PARD3B: variants seen among roughly 807,000 people sequenced by gnomAD.
PARD3B encodes the protein par-3 family cell polarity regulator beta, also known as partitioning defective 3 homolog B.
PARD3B carries 103 observed loss-of-function variants against 130.2 expected under a neutral mutation model. That is an observed-to-expected ratio of 0.79 (90% CI 0.67 to 0.93). The LOEUF is 0.93. Ranked by LOEUF, PARD3B falls within the 40% of genes least tolerant of loss-of-function variation. The probability of loss-of-function intolerance (pLI) is 0.00; values close to 1 mark genes in which losing one functional copy is unlikely to be tolerated. For synonymous variants in PARD3B, 583 were observed against 553.2 expected (o/e 1.05, Z -0.76); for missense variants, 1,609 against 1,499.2 (o/e 1.07, Z -1.21).
chr2:204,723,241 G>A (rs115290480), intron 2 of PARD3B, among the ~76,000 whole-genome samples: 2,730 of 152,164 alleles, frequency 0.018, 39 homozygotes, highest in Middle Eastern at 0.071. Flanking sequence ...TAATGATTCA[G>A]TTGATTTTTT....
intron 2 of PARD3B, among the ~76,000 whole-genome samples, chr2:204,692,071 T>G (rs2037380059): frequency 6.6e-6 from 1 of 152,132 alleles, no homozygotes; most frequent in African/African-American, 2.4e-5. Context: ...TCTTTATTCT[T>G]AAGCCAAATT....
At chr2:205,083,345 A>AT (rs398081005) in intron 4 of PARD3B, among the ~76,000 whole-genome samples, 3 of 151,932 alleles carry the variant, frequency 2.0e-5, no homozygotes, top group African/African-American at 7.3e-5. Flanking sequence ...AAAAAAAAAA[A>AT]AGAGGAAATA....
Position 205,301,652 on chromosome 2 carries a change from G to A in PARD3B, c.2581G>A (p.Glu861Lys). ...GGAGAAAAAGCGCAAAGAGGAGAATGAAGATCCAGAAAGGAAAATAAAGAA... is the reference window on the plus strand; with the variant it reads ...GGAGAAAAAGCGCAAAGAGGAGAATAAAGATCCAGAAAGGAAAATAAAGAA... ...VKEKKRKEEN[E>K]DPERKIKKKG... The change falls in exon 18 of 23, where the codon GAA (glutamate) becomes AAA (lysine). Residue 861 changes from glutamate (E) to lysine (K), a missense_variant. Transcript: ENST00000406610. This position sits in a 1 kb window ranked among gnomAD's most constrained non-coding sequence, Gnocchi z 5.2. 1 of 1,574,118 alleles carries A rather than the reference G, an allele frequency of 6.4e-7. No homozygotes were observed. The highest frequency in any genetic ancestry group is 1.4e-5 in the African/African-American group (1 of 74,020).
intron 6 of PARD3B, among the ~76,000 whole-genome samples, chr2:205,114,299 C>A (rs373439807): frequency 2.6e-5 from 4 of 152,018 alleles, no homozygotes; most frequent in Non-Finnish European, 5.9e-5. Flanking sequence ...CCTGTTAAAA[C>A]AATTGTACTG....
chr2:205,068,595 CT>C (rs1700534610), intron 4 of PARD3B, among the ~76,000 whole-genome samples: 1 of 147,608 alleles, frequency 6.8e-6, no homozygotes, highest in African/African-American at 2.5e-5. Flanking sequence ...TTTTTTTTAC[CT>C]TTTCCTAGCT....
intron 1 of PARD3B, among the ~76,000 whole-genome samples, chr2:204,556,237 C>G (rs1031407969): frequency 3.9e-5 from 6 of 152,086 alleles, no homozygotes; most frequent in Non-Finnish European, 7.4e-5. Context: ...TTGTGTAGGT[C>G]AGGAATTTGG....
chr2:205,013,950 C>T (rs1184138595), intron 3 of PARD3B, among the ~76,000 whole-genome samples: 2 of 152,144 alleles, frequency 1.3e-5, no homozygotes, highest in Admixed American at 6.5e-5. Context: ...ACAGAGAAGG[C>T]ATTTCATCTG....
chr2:205,027,381 A>G (rs1319778258), intron 3 of PARD3B, among the ~76,000 whole-genome samples: 3 of 152,142 alleles, frequency 2.0e-5, no homozygotes. Context: ...ATGTCTATTC[A>G]TGTCCTTTGC....
At chr2:204,690,195 C>G (rs757200371) in intron 2 of PARD3B, among the ~76,000 whole-genome samples, 3 of 152,136 alleles carry the variant, frequency 2.0e-5, no homozygotes, top group Non-Finnish European at 2.9e-5. Context: ...ACGCTTTAGA[C>G]TGCACTTGAA....
chr2:205,072,741 T>C (rs1700818691), intron 4 of PARD3B, among the ~76,000 whole-genome samples: 1 of 152,192 alleles, frequency 6.6e-6, no homozygotes, highest in South Asian at 2.1e-4. Context: ...TCATTTACTG[T>C]TTAAAAAATA....
rs978876343 is a variant in PARD3B, at chr2:205,366,534, C to T, written c.2631-34479C>T. Among the ~76,000 whole-genome samples, 2 of 152,192 alleles carry T rather than the reference C, an allele frequency of 1.3e-5. No homozygotes were observed. Among genetic ancestry groups the T allele is most frequent in the Non-Finnish European group, 2.9e-5 (2 of 68,042 alleles). Reference sequence around the variant, plus strand: ...GGGACCCAGAGGAATAGAAATGTCACATCGTGACTGAGGGACAGAGCTAAT... The same window carrying T: ...GGGACCCAGAGGAATAGAAATGTCATATCGTGACTGAGGGACAGAGCTAAT... On this transcript the variant is annotated intron_variant, in intron 18 of 22. Coordinates refer to ENST00000406610, the MANE Select transcript of PARD3B (RefSeq NM_001302769.2). The surrounding 1 kb of genome is among the most constrained non-coding windows in gnomAD (Gnocchi z 5.0).
chr2:205,233,094 A>G (rs2038917644), intron 15 of PARD3B, among the ~76,000 whole-genome samples: 1 of 152,196 alleles, frequency 6.6e-6, no homozygotes, highest in African/African-American at 2.4e-5. Context: ...ATTATAAACA[A>G]TTTGCTGAAA....
At chr2:204,741,994 T>A (rs1199621729) in intron 2 of PARD3B, among the ~76,000 whole-genome samples, 1 of 152,178 alleles carries the variant, frequency 6.6e-6, no homozygotes, top group African/African-American at 2.4e-5. Flanking sequence ...TTACTATGAA[T>A]GCATGTTCTT....
chr2:205,403,243 T>A (rs2046313293), intron 19 of PARD3B, among the ~76,000 whole-genome samples: 1 of 152,208 alleles, frequency 6.6e-6, no homozygotes, highest in African/African-American at 2.4e-5. Context: ...TAGATTTACA[T>A]TAGCATATCT....
intron 22 of PARD3B, among the ~76,000 whole-genome samples, chr2:205,594,089 G>A (rs1426166113): frequency 1.3e-5 from 2 of 152,172 alleles, no homozygotes; most frequent in Non-Finnish European, 2.9e-5. Flanking sequence ...TCTTGGCCTG[G>A]AGCCTGTGTG....
chr2:205,381,303 A>T (rs1326460439), intron 18 of PARD3B, among the ~76,000 whole-genome samples: 2 of 147,458 alleles, frequency 1.4e-5, no homozygotes, highest in Non-Finnish European at 3.0e-5. Context: ...TATATAGTAC[A>T]CACAAAATTC....
Position 205,507,196 on chromosome 2 carries a change from A to ATTTTTTTTTTTTTTT in PARD3B, c.3180+7187_3180+7201dup, listed in dbSNP as rs71410819. ...ACCTTCATGGCCAGACAGGTGCAGT[A>ATTTTTTTTTTTTTTT]TTTTTTTTTTTTTTTTTTTTTTTTT... is the stretch of plus-strand genomic sequence containing the variant. On this transcript the variant is annotated intron_variant, in intron 21 of 22. Coordinates refer to ENST00000406610, the MANE Select transcript of PARD3B (RefSeq NM_001302769.2). Among the ~76,000 whole-genome samples, 51 of 25,196 alleles carry ATTTTTTTTTTTTTTT rather than the reference A, an allele frequency of 2.0e-3. 22 individuals are homozygous for ATTTTTTTTTTTTTTT. The highest frequency in any genetic ancestry group is 2.8e-3 in the Non-Finnish European group (43 of 15,166). 16.5% of individuals were successfully genotyped at this position (25,196 alleles called of 152,430 possible). A position where few individuals can be genotyped will look rare whatever the true frequency, so the allele number is the denominator to read the frequency against.
At chr2:205,315,930 C>T (rs145075206) in intron 18 of PARD3B, among the ~76,000 whole-genome samples, 2 of 152,148 alleles carry the variant, frequency 1.3e-5, no homozygotes, top group African/African-American at 4.8e-5. Flanking sequence ...TCCTGTAGGC[C>T]TGCTTGGTTT....
At chr2:205,484,832 C>A (rs2049376284) in intron 20 of PARD3B, among the ~76,000 whole-genome samples, 1 of 152,174 alleles carries the variant, frequency 6.6e-6, no homozygotes, top group Admixed American at 6.5e-5. Flanking sequence ...TAATTGACAT[C>A]ATGTTTATTG....
Sources: gnomAD v4.1 joint callset for allele counts (sites outside exome capture counted in the v4.1 genomes callset) on GRCh38, gnomAD v4.1.1 for gene constraint, Gnocchi (gnomAD v3.1) non-coding constraint, MANE v1.5 for transcripts, NCBI Gene and HGNC (gene_info 2026-07-23, HGNC 2026-07-21) for gene names.